The following TMEM132C variants were observed in gnomAD, a reference collection of about 807,000 sequenced individuals.
The protein encoded by TMEM132C is transmembrane protein 132C, also known as protein phosphatase 1, regulatory subunit 152.
A neutral mutation model predicts 61.4 loss-of-function variants in TMEM132C; 29 were observed. The ratio of observed to expected loss-of-function variants is 0.47; its 90% CI spans 0.35 to 0.64. The LOEUF is 0.64. Among genes scored for constraint, TMEM132C ranks in the 30% least tolerant of loss-of-function variants. The pLI is 0.00. For missense variants in TMEM132C, 1,408 were observed against 1,476.9 expected, an observed-to-expected ratio of 0.95 and a Z score of 0.76; for synonymous variants, 656 against 633.1, an observed-to-expected ratio of 1.04 and a Z score of -0.54.
intron 4 of TMEM132C, among the ~76,000 whole-genome samples, chr12:128,665,730 C>T (rs1267966722): frequency 6.8e-6 from 1 of 147,724 alleles, no homozygotes; most frequent in East Asian, 2.0e-4. Flanking sequence ...TACACAAACA[C>T]AGGCACACAC....
chr12:128,277,697 A>C (rs1377112932), intron 1 of TMEM132C, among the ~76,000 whole-genome samples: 1 of 152,188 alleles, frequency 6.6e-6, no homozygotes, highest in Admixed American at 6.5e-5. Context: ...CATCAACCAA[A>C]TGAGCAAAAT....
intron 4 of TMEM132C, among the ~76,000 whole-genome samples, chr12:128,629,342 T>C (rs1226787201): frequency 6.6e-6 from 1 of 151,966 alleles, no homozygotes; most frequent in Non-Finnish European, 1.5e-5. Context: ...TAGTGAGACC[T>C]TGTCTCTGCA....
intron 3 of TMEM132C, among the ~76,000 whole-genome samples, chr12:128,601,331 T>C (rs537912013): frequency 6.6e-6 from 1 of 152,340 alleles, no homozygotes; most frequent in African/African-American, 2.4e-5. Context: ...ACTCGGCTCC[T>C]GGCGCAATCA....
At chr12:128,541,329 C>T (rs558981804) in intron 2 of TMEM132C, among the ~76,000 whole-genome samples, 1 of 152,286 alleles carries the variant, frequency 6.6e-6, no homozygotes, top group Admixed American at 6.5e-5. Context: ...AAATCCTGTC[C>T]TTTGGGGCTT....
At chr12:128,313,318 C>T (rs12582244) in intron 1 of TMEM132C, among the ~76,000 whole-genome samples, 2,874 of 152,306 alleles carry the variant, frequency 0.019, 90 homozygotes, top group East Asian at 0.071. Context: ...CTAAGTCACT[C>T]GTCTGAGGCC....
At chr12:128,646,239 C>T (rs1473241204) in intron 4 of TMEM132C, among the ~76,000 whole-genome samples, 3 of 150,598 alleles carry the variant, frequency 2.0e-5, no homozygotes, top group African/African-American at 7.3e-5. Flanking sequence ...AGTCCGTCAG[C>T]GTTGGATTTG....
At chr12:128,642,321 G>A (rs947607053) in intron 4 of TMEM132C, among the ~76,000 whole-genome samples, 16 of 151,960 alleles carry the variant, frequency 1.1e-4, no homozygotes, top group Non-Finnish European at 1.6e-4. Flanking sequence ...TAGTAGAGAT[G>A]GGGTTTCACT....
chr12:128,530,670 A>C lies in TMEM132C; in HGVS notation c.975-13287A>C, dbSNP rs139567013. Among the ~76,000 whole-genome samples, 1,189 of 152,150 alleles carry C rather than the reference A, an allele frequency of 7.8e-3. 19 individuals are homozygous for C. Among genetic ancestry groups the C allele is most frequent in the African/African-American group, 0.027 (1,112 of 41,504 alleles). On this transcript the variant is annotated intron_variant, in intron 2 of 8. Coordinates refer to ENST00000435159, the MANE Select transcript of TMEM132C (RefSeq NM_001136103.3). ...ATGCTGGTCAGGCTGGTCTCGAACT[A>C]ATGACCTCGTGATCCACCCGCCTTG... is the stretch of plus-strand genomic sequence containing the variant.
In TMEM132C at chr12:128,616,188, C is replaced by T. The variant is rs540755789; in HGVS notation, c.1158C>T (p.Asn386=). Residue 386 remains asparagine, a synonymous_variant, in exon 4 of 9, where the codon AAC becomes AAT. Transcript: ENST00000435159. ...SSLFNEVVQM[N]FEIASFSSLS... is the part of the protein sequence containing the mutation. ...TATTCAATGAGGTTGTGCAGATGAA[C>T]TTTGAAATAGCCAGTTTCAGCAGCC... 6 of 1,551,750 alleles carry T rather than the reference C, an allele frequency of 3.9e-6. No homozygotes were observed. Among genetic ancestry groups the T allele is most frequent in the Admixed American group, 2.0e-5 (1 of 51,012 alleles).
intron 2 of TMEM132C, among the ~76,000 whole-genome samples, chr12:128,473,776 G>C (rs1191542790): frequency 6.6e-6 from 1 of 151,770 alleles, no homozygotes; most frequent in Non-Finnish European, 1.5e-5. Context: ...TCTGCTCCCA[G>C]CCTCTTCTTT....
intron 1 of TMEM132C, among the ~76,000 whole-genome samples, chr12:128,321,655 C>T (rs904634026): frequency 2.6e-5 from 4 of 152,160 alleles, no homozygotes; most frequent in Admixed American, 6.5e-5. Flanking sequence ...AAACTGTGGA[C>T]ATCTCAGAAA....
At chr12:128,589,730 C>T (rs1593111112) in intron 3 of TMEM132C, among the ~76,000 whole-genome samples, 2 of 151,994 alleles carry the variant, frequency 1.3e-5, no homozygotes, top group Admixed American at 1.3e-4. Context: ...CTGAAAGAGG[C>T]TGGATTGGAA....
Position 128,340,924 on chromosome 12 carries a change from C to T in TMEM132C, c.85+73437C>T, listed in dbSNP as rs1014216518. Among the ~76,000 whole-genome samples the T allele has an allele frequency of 8.8e-3, 1,221 of 137,996 alleles. 21 individuals carry two copies. Among genetic ancestry groups the T allele is most frequent in the African/African-American group, 0.034 (1,144 of 33,210 alleles). 90.5% of individuals were successfully genotyped at this position (137,996 alleles called of 152,430 possible). A position where few individuals can be genotyped will look rare whatever the true frequency, so the allele number is the denominator to read the frequency against. On this transcript the variant is annotated intron_variant, in intron 1 of 8. Transcript: ENST00000435159. Reference sequence around the variant, plus strand: ...TCTCTTTCTCTCTCTCTTTCTCTCTCTCTCTCTCTCTCTCTCTCTCTTTCT... The same window carrying T: ...TCTCTTTCTCTCTCTCTTTCTCTCTTTCTCTCTCTCTCTCTCTCTCTTTCT...
intron 1 of TMEM132C, among the ~76,000 whole-genome samples, chr12:128,399,224 T>A (rs1438897274): frequency 6.6e-6 from 1 of 152,164 alleles, no homozygotes; most frequent in Admixed American, 6.5e-5. Context: ...CTGTAATTAG[T>A]GGGAAAGAAA....
intron 3 of TMEM132C, among the ~76,000 whole-genome samples, chr12:128,567,454 AC>A (rs1448997436): frequency 2.0e-5 from 3 of 151,818 alleles, no homozygotes; most frequent in Non-Finnish European, 4.4e-5. Context: ...ACACACACAC[AC>A]ACACACACAC....
chr12:128,430,366 T>C (rs1406790030), intron 2 of TMEM132C, among the ~76,000 whole-genome samples: 1 of 152,224 alleles, frequency 6.6e-6, no homozygotes, highest in African/African-American at 2.4e-5. Flanking sequence ...GAATAATCCC[T>C]GAGCAGACAA....
At chr12:128,575,206 A>C (rs1875043705) in intron 3 of TMEM132C, among the ~76,000 whole-genome samples, 1 of 152,366 alleles carries the variant, frequency 6.6e-6, no homozygotes, top group East Asian at 1.9e-4. Flanking sequence ...GAGGCCGGAC[A>C]TGGTGAGTCA....
At chr12:128,633,995 C>T (rs1372927522) in intron 4 of TMEM132C, among the ~76,000 whole-genome samples, 1 of 152,164 alleles carries the variant, frequency 6.6e-6, no homozygotes, top group Admixed American at 6.5e-5. Flanking sequence ...CCACAAAGCA[C>T]CAGGAAAATA....
chr12:128,348,256 AATACCAT>A (rs1873233324), intron 1 of TMEM132C, among the ~76,000 whole-genome samples: 1 of 152,222 alleles, frequency 6.6e-6, no homozygotes, highest in South Asian at 2.1e-4. Context: ...ATCATATAGA[AATACCAT>A]TGATGCCTGC....
Sources: allele counts gnomAD v4.1 joint callset (sites outside exome capture counted in the v4.1 genomes callset), GRCh38; gene constraint gnomAD v4.1.1; transcripts MANE v1.5; gene names NCBI Gene and HGNC (gene_info 2026-07-23, HGNC 2026-07-21).